Variants in JPH2 observed in about 807,000 individuals in gnomAD.
JPH2 encodes the protein junctophilin-2.
JPH2 carries 38 observed loss-of-function variants against 55.9 expected under a neutral mutation model. The observed-to-expected ratio is 0.68, with a 90% CI of 0.52 to 0.89. The LOEUF (loss-of-function observed/expected upper bound fraction) is 0.89, where lower values mean the gene tolerates loss of function less well. JPH2 is among the 40% of genes least tolerant of loss of function. JPH2 has a pLI of 0.00. For missense variants in JPH2, 964 were observed against 1,037.6 expected, an observed-to-expected ratio of 0.93 and a Z score of 0.97; for synonymous variants, 480 against 472.4, an observed-to-expected ratio of 1.02 and a Z score of -0.21.
chr20:44,125,911 A>G (rs2072271624), intron 2 of JPH2, among the ~76,000 whole-genome samples: 1 of 151,904 alleles, frequency 6.6e-6, no homozygotes, highest in Non-Finnish European at 1.5e-5. Flanking sequence ...TTGTTACATA[A>G]AATGAGAAGT....
At chr20:44,131,071 A>G (rs553058089) in intron 2 of JPH2, among the ~76,000 whole-genome samples, 1 of 152,302 alleles carries the variant, frequency 6.6e-6, no homozygotes, top group South Asian at 2.1e-4. Flanking sequence ...TGGCTCCTGT[A>G]TTCCCATCCT....
In JPH2 at chr20:44,186,886, G is replaced by C. The variant is rs1244446354; in HGVS notation, c.-181C>G. 1 of 640,398 alleles carries C rather than the reference G, an allele frequency of 1.6e-6. No homozygotes were observed. Among genetic ancestry groups the C allele is most frequent in the Non-Finnish European group, 2.7e-6 (1 of 371,540 alleles). 39.7% of individuals were successfully genotyped at this position (640,398 alleles called of 1,614,324 possible). The stretch of plus-strand genomic sequence containing the variant: ...AGAGCCCCGGCGCCAAGTCAGCACC[G>C]GGTCGGCTAGTCAGTGCCATGCCCG... On this transcript the variant is annotated 5_prime_UTR_variant, in exon 1 of 6. Transcript: ENST00000372980.
Position 44,167,103 on chromosome 20 carries a change from C to T in JPH2, c.380-6696G>A, listed in dbSNP as rs545861174. 4.6e-5 allele frequency among the ~76,000 whole-genome samples: 7 copies of T among 152,350 alleles called. No individual in the cohort carries two copies. In the East Asian group the frequency reaches 5.8e-4, roughly 13 times the overall value. ...TTGACAGTTCTAGCTTTGGCTTAAA[C>T]GTGATTTCATCCAGGAAGATTTCTT... is the stretch of plus-strand genomic sequence containing the variant. On this transcript the variant is annotated intron_variant, in intron 1 of 5. Transcript: ENST00000372980.
intron 1 of JPH2, among the ~76,000 whole-genome samples, chr20:44,175,753 C>T (rs570865074): frequency 6.6e-6 from 1 of 152,238 alleles, no homozygotes; most frequent in African/African-American, 2.4e-5. Flanking sequence ...TGGGTGCTGA[C>T]AGCCCTGGAG....
intron 1 of JPH2, among the ~76,000 whole-genome samples, chr20:44,182,022 A>C (rs541443435): frequency 8.5e-5 from 13 of 152,374 alleles, no homozygotes; most frequent in African/African-American, 3.1e-4. Flanking sequence ...AATAAGAGCA[A>C]CCACCATTTA....
At chr20:44,127,859 T>C (rs1487746381) in intron 2 of JPH2, among the ~76,000 whole-genome samples, 1 of 152,170 alleles carries the variant, frequency 6.6e-6, no homozygotes, top group Non-Finnish European at 1.5e-5. Context: ...TGATTTGCAT[T>C]TCCCTGATGG....
In JPH2 at chr20:44,175,247, A is replaced by C. The variant is rs146263848; in HGVS notation, c.379+11080T>G. Among the ~76,000 whole-genome samples, 345 of 152,324 alleles carry C rather than the reference A, an allele frequency of 2.3e-3. 2 individuals carry two copies. The highest frequency in any genetic ancestry group is 5.0e-3 in the South Asian group (24 of 4,816). ...TCTCTGAGAACACTACCTAGCACCT[A>C]GCAGGCACTCAATAAATATTTGCCA... On this transcript the variant is annotated intron_variant, in intron 1 of 5. Transcript: ENST00000372980.
At position 44,160,127 on chromosome 20, in the gene JPH2, G is replaced by C; in HGVS notation, c.660C>G (p.Leu220=). ...TGCCCAGCAGCGCGCCCCGCTGGAA[G>C]AGGCCGCCGCCCTTGGGCGCCCGCG... is the stretch of plus-strand genomic sequence containing the variant. ...AAARAPKGGG[L]FQRGALLGKL... The change falls in exon 2 of 6, where the codon CTC becomes CTG. Residue 220 remains leucine (L), a synonymous_variant. Coordinates refer to ENST00000372980, the MANE Select transcript of JPH2 (RefSeq NM_020433.5). This position sits in a 1 kb window ranked among gnomAD's most constrained non-coding sequence, Gnocchi z 4.9. The C allele has an allele frequency of 6.7e-7, 1 of 1,501,704 alleles. No individual in the cohort carries two copies. The highest frequency in any genetic ancestry group is 1.2e-5 in the South Asian group (1 of 80,644). The allele number at this position is 1,501,704 out of a possible 1,614,324, so 93.0% of individuals were successfully genotyped here. A position where few individuals can be genotyped will look rare whatever the true frequency, so the allele number is the denominator to read the frequency against.
In JPH2 at chr20:44,160,131, C is replaced by A; in HGVS notation, c.656G>T (p.Gly219Val). Residue 219 changes from glycine (G) to valine (V), a missense_variant, in exon 2 of 6, where the codon GGC becomes GTC. By Grantham distance (109) the Gly-to-Val change is moderately radical (BLOSUM62 -3). Coordinates refer to ENST00000372980, the MANE Select transcript of JPH2 (RefSeq NM_020433.5). This position sits in a 1 kb window ranked among gnomAD's most constrained non-coding sequence, Gnocchi z 4.9. ...EAAARAPKGG[G>V]LFQRGALLGK... ...CAGCAGCGCGCCCCGCTGGAAGAGGCCGCCGCCCTTGGGCGCCCGCGCGGC... is the reference window on the plus strand; with the variant it reads ...CAGCAGCGCGCCCCGCTGGAAGAGGACGCCGCCCTTGGGCGCCCGCGCGGC... 1 of 1,483,734 alleles carries A rather than the reference C, an allele frequency of 6.7e-7. No homozygotes were observed. The allele number at this position is 1,483,734 out of a possible 1,614,324, so 91.9% of individuals were successfully genotyped here.
chr20:44,134,160 T>A (rs867038178), intron 2 of JPH2, among the ~76,000 whole-genome samples: 2 of 14,756 alleles, frequency 1.4e-4, no homozygotes, highest in Non-Finnish European at 2.6e-4. Flanking sequence ...ATTATAAATA[T>A]ATAAATATTT....
At position 44,186,538 on chromosome 20, in the gene JPH2, G is replaced by A. The variant is rs748126772; in HGVS notation, c.168C>T (p.Ser56=). The A allele has an allele frequency of 4.3e-6, 7 of 1,613,680 alleles. No homozygotes were observed. Among genetic ancestry groups the A allele is most frequent in the Non-Finnish European group, 5.9e-6 (7 of 1,179,714 alleles). The part of the protein sequence containing the change: ...FEVAGVYTWP[S]GNTFEGYWSQ... Reference sequence around the variant, plus strand: ...TCCAGTATCCCTCAAAGGTGTTTCCGCTGGGCCAGGTGTAGACACCTGCCA... The same window carrying A: ...TCCAGTATCCCTCAAAGGTGTTTCCACTGGGCCAGGTGTAGACACCTGCCA... The change falls in exon 1 of 6, where the codon AGC becomes AGT. Residue 56 remains serine, a synonymous_variant. Transcript: ENST00000372980.
chr20:44,124,668 AAAAG>A (rs1232883449), intron 2 of JPH2, among the ~76,000 whole-genome samples: 2 of 151,902 alleles, frequency 1.3e-5, no homozygotes, highest in Non-Finnish European at 2.9e-5. Flanking sequence ...AAAAAAGTAA[AAAAG>A]AAAGAAAGGA....
chr20:44,123,746 C>T (rs577442793), intron 2 of JPH2, among the ~76,000 whole-genome samples: 5 of 152,316 alleles, frequency 3.3e-5, no homozygotes, highest in South Asian at 2.1e-4. Context: ...ACCGACTCAT[C>T]GGAATTTGAA....
intron 2 of JPH2, among the ~76,000 whole-genome samples, chr20:44,120,348 C>T (rs1193914177): frequency 1.3e-5 from 2 of 152,126 alleles, no homozygotes; most frequent in Non-Finnish European, 2.9e-5. Context: ...GTCTTAAGTA[C>T]CTGAGATTTG....
rs530678513 is a variant in JPH2 at position 44,145,461 on chromosome 20, C to G, written c.1169+14157G>C. 5.3e-5 allele frequency among the ~76,000 whole-genome samples: 8 copies of G among 152,168 alleles called. No homozygotes were observed. In the South Asian group the frequency reaches 1.7e-3, roughly 32 times the overall value. The stretch of plus-strand genomic sequence containing the variant: ...TCTCTACGAAAAATACAAAAGTTAG[C>G]TGGGTGTGGTAGCGTGCCTGTAATC... On this transcript the variant is annotated intron_variant, in intron 2 of 5. Transcript: ENST00000372980.
intron 2 of JPH2, among the ~76,000 whole-genome samples, chr20:44,130,227 C>G (rs1042503669): frequency 6.6e-5 from 10 of 152,226 alleles, no homozygotes; most frequent in African/African-American, 2.4e-4. Flanking sequence ...CTCCCTGGCA[C>G]AAAAGCCTTT....
intron 2 of JPH2, among the ~76,000 whole-genome samples, chr20:44,149,366 C>T (rs532583417): frequency 1.3e-5 from 2 of 152,348 alleles, no homozygotes; most frequent in Non-Finnish European, 2.9e-5. Context: ...TCCCAGCTCT[C>T]GTGGCTACCC....
Position 44,134,255 on chromosome 20 carries a change from A to AT in JPH2, c.1170-15633_1170-15632insA, listed in dbSNP as rs1491161599. Among the ~76,000 whole-genome samples, 4 of 22,974 alleles carry AT rather than the reference A, an allele frequency of 1.7e-4. 1 individual carries two copies. The highest frequency in any genetic ancestry group is 2.8e-4 in the Non-Finnish European group (4 of 14,214). 15.1% of individuals were successfully genotyped at this position (22,974 alleles called of 152,430 possible). On this transcript the variant is annotated intron_variant, in intron 2 of 5. Transcript: ENST00000372980. ...ATAAATATTTATTATAAATACATATAAATAAATATTTATTATATATACATA... is the reference window on the plus strand; with the variant it reads ...ATAAATATTTATTATAAATACATATATAATAAATATTTATTATATATACATA...
chr20:44,125,257 G>A (rs1208047839), intron 2 of JPH2, among the ~76,000 whole-genome samples: 1 of 152,074 alleles, frequency 6.6e-6, no homozygotes, highest in Non-Finnish European at 1.5e-5. Flanking sequence ...GAGACCATAT[G>A]ACCTACAAAC....
Sources: allele counts gnomAD v4.1 joint callset (sites outside exome capture counted in the v4.1 genomes callset), GRCh38; gene constraint gnomAD v4.1.1; non-coding constraint Gnocchi (gnomAD v3.1); transcripts MANE v1.5; gene names NCBI Gene and HGNC (gene_info 2026-07-23, HGNC 2026-07-21).